The following DNAH3 variants were observed in gnomAD, a reference collection of about 807,000 sequenced individuals.
DNAH3 encodes the protein axonemal beta dynein heavy chain 3.
DNAH3 carries 332 observed loss-of-function variants against 432.5 expected under a neutral mutation model. The observed-to-expected ratio is 0.77, with a 90% CI of 0.70 to 0.84. DNAH3 has a LOEUF of 0.84. DNAH3 is among the 40% of genes least tolerant of loss of function. The pLI is 0.00. For missense variants in DNAH3, 4,861 were observed against 5,114.0 expected, an observed-to-expected ratio of 0.95 and a Z score of 1.51; for synonymous variants, 1,956 against 1,900.2, an observed-to-expected ratio of 1.03 and a Z score of -0.76.
intron 24 of DNAH3, among the ~76,000 whole-genome samples, chr16:21,066,069 C>T (rs550969033): frequency 9.9e-4 from 150 of 152,030 alleles, no homozygotes; most frequent in Non-Finnish European, 1.7e-3. Context: ...TCGGGTGATC[C>T]GCCCCCTCGG....
intron 40 of DNAH3, among the ~76,000 whole-genome samples, chr16:21,021,510 C>G (rs946789795): frequency 2.0e-5 from 3 of 152,102 alleles, no homozygotes; most frequent in African/African-American, 4.8e-5. Context: ...ATGGACTTTG[C>G]CTACCAAACT....
At chr16:21,140,589 G>T in exon 5 of DNAH3, 1 of 1,614,104 alleles carries the variant, frequency 6.2e-7, no homozygotes, top group Non-Finnish European at 8.5e-7. Flanking sequence ...TCCATCTCCT[G>T]CTGTAACATG....
intron 9 of DNAH3, among the ~76,000 whole-genome samples, chr16:21,123,103 T>C (rs1027676945): frequency 6.6e-6 from 1 of 152,224 alleles, no homozygotes; most frequent in African/African-American, 2.4e-5. Context: ...AATAAAAATT[T>C]ATTGATTCAG....
intron 61 of DNAH3, among the ~76,000 whole-genome samples, chr16:20,934,401 C>T (rs2083515261): frequency 6.6e-6 from 1 of 152,144 alleles, no homozygotes; most frequent in Non-Finnish European, 1.5e-5. Context: ...TTTAATATAC[C>T]TAACCTACAA....
At chr16:21,074,136 C>A (rs1321993890) in intron 21 of DNAH3, among the ~76,000 whole-genome samples, 2 of 152,146 alleles carry the variant, frequency 1.3e-5, no homozygotes, top group South Asian at 4.1e-4. Flanking sequence ...AGGGATCACA[C>A]CTTTTCACCC....
chr16:21,075,417 A>C (rs1185192297), intron 21 of DNAH3, 30 bp downstream of exon 21: 1 of 1,496,658 alleles, frequency 6.7e-7, no homozygotes, highest in South Asian at 1.1e-5. Flanking sequence ...GGCTGCTTTC[A>C]AAAGGGGCTG....
chr16:21,059,990 C>T (rs1300980165), intron 26 of DNAH3, among the ~76,000 whole-genome samples: 2 of 152,096 alleles, frequency 1.3e-5, no homozygotes, highest in Admixed American at 6.6e-5. Context: ...AGACTTCGTG[C>T]CATTAATCCC....
rs16970873 is a variant in DNAH3, at chr16:21,097,345, C to T, written c.2665+10G>A. The stretch of plus-strand genomic sequence containing the variant: ...CCCATCTGTCCCAGCAGAGTGAGAT[C>T]ACCACATACCATTCATCCATTCCTC... On this transcript the variant is annotated intron_variant, in intron 18 of 61. Coordinates refer to ENST00000261383, the Ensembl canonical transcript of DNAH3. The T allele has an allele frequency of 4.3e-3, 6,915 of 1,612,870 alleles. 249 individuals carry two copies. The African/African-American group carries it at 0.078, about 18-fold the overall frequency.
In DNAH3 at chr16:20,935,804, T is replaced by C. The variant is rs183941724; in HGVS notation, c.11860-319A>G. Reference sequence around the variant, plus strand: ...GTTGCAGTGAGCCAAGATCATGCCATTGCACTCCAGCCTGAGTGACAAGAG... The same window carrying C: ...GTTGCAGTGAGCCAAGATCATGCCACTGCACTCCAGCCTGAGTGACAAGAG... On this transcript the variant is annotated intron_variant, in intron 60 of 61. Transcript: ENST00000261383. 4.7e-3 allele frequency among the ~76,000 whole-genome samples: 708 copies of C among 150,278 alleles called. 5 individuals are homozygous for C. The highest frequency in any genetic ancestry group is 0.016 in the African/African-American group (640 of 40,764).
chr16:20,984,811 G>A (rs1245947429), intron 48 of DNAH3, among the ~76,000 whole-genome samples: 6 of 152,062 alleles, frequency 3.9e-5, no homozygotes, highest in Admixed American at 3.9e-4. Flanking sequence ...GTTGCAGTGA[G>A]CTGAGATCTC....
intron 26 of DNAH3, among the ~76,000 whole-genome samples, chr16:21,059,135 T>C (rs2090250630): frequency 6.6e-6 from 1 of 152,236 alleles, no homozygotes; most frequent in Non-Finnish European, 1.5e-5. Context: ...TCTTATAACA[T>C]TATGTTGTAT....
At chr16:21,003,357 G>C (rs892389618) in intron 41 of DNAH3, 150 bp from the exon 42 acceptor site, 6 of 589,136 alleles carry the variant, frequency 1.0e-5, no homozygotes, top group South Asian at 4.5e-5. Context: ...TACATTGCTG[G>C]AAAGTGTATA....
chr16:21,054,343 C>A, intron 28 of DNAH3, 77 bp downstream of exon 28: 1 of 1,132,618 alleles, frequency 8.8e-7, no homozygotes, highest in African/African-American at 1.5e-5. Flanking sequence ...TTATTCCGTC[C>A]AGGAGAACTG....
intron 1 of DNAH3, among the ~76,000 whole-genome samples, chr16:21,157,627 G>T (rs1314374843): frequency 6.6e-6 from 1 of 152,094 alleles, no homozygotes. Context: ...ACCGCACCCT[G>T]CCAGCTTTTT....
intron 11 of DNAH3, chr16:21,120,711 T>C: frequency 1.3e-6 from 2 of 1,512,766 alleles, no homozygotes; most frequent in Non-Finnish European, 9.2e-7. Context: ...GGCATTGTAA[T>C]TCATCAAATG....
chr16:21,084,131 T>C (rs1177711732), intron 19 of DNAH3, among the ~76,000 whole-genome samples: 1 of 152,014 alleles, frequency 6.6e-6, no homozygotes, highest in African/African-American at 2.4e-5. Context: ...TGACAATTCA[T>C]CTCTCCAAGT....
chr16:21,115,117 T>C (rs545793818), intron 12 of DNAH3, among the ~76,000 whole-genome samples: 2 of 152,114 alleles, frequency 1.3e-5, no homozygotes, highest in Admixed American at 1.3e-4. Context: ...CTGGAAACCA[T>C]CATTCTCAGC....
intron 44 of DNAH3, among the ~76,000 whole-genome samples, chr16:20,989,721 G>T (rs1394706256): frequency 1.3e-5 from 2 of 152,234 alleles, no homozygotes; most frequent in East Asian, 3.9e-4. Flanking sequence ...GGCTTGGGCC[G>T]CACAGAGCCC....
chr16:20,969,936 C>G, exon 52 of DNAH3: 1 of 1,614,154 alleles, frequency 6.2e-7, no homozygotes, highest in Non-Finnish European at 8.5e-7. Context: ...TCCAGAGCAG[C>G]TAGTGCAGCC....
Sources: allele counts gnomAD v4.1 joint callset (sites outside exome capture counted in the v4.1 genomes callset), GRCh38; gene constraint gnomAD v4.1.1; transcripts MANE v1.5; gene names NCBI Gene and HGNC (gene_info 2026-07-23, HGNC 2026-07-21).